NFIB: variants seen among roughly 807,000 people sequenced by gnomAD.
The protein encoded by NFIB is nuclear factor I B, also known as nuclear factor 1 B-type.
Under a neutral mutation model 61.5 loss-of-function variants are expected in NFIB, and 11 were observed. The ratio of observed to expected loss-of-function variants is 0.18; its 90% CI spans 0.11 to 0.30. The LOEUF (loss-of-function observed/expected upper bound fraction) is 0.30, where lower values mean the gene tolerates loss of function less well. NFIB is among the 10% of genes least tolerant of loss of function. NFIB has a pLI of 1.00. For missense variants in NFIB, 471 were observed against 608.9 expected (o/e 0.77, Z 2.38); for synonymous variants, 260 against 216.5 (o/e 1.20, Z -1.76).
At chr9:14,161,726 C>G (rs2044226968) in intron 3 of NFIB, among the ~76,000 whole-genome samples, 1 of 152,110 alleles carries the variant, frequency 6.6e-6, no homozygotes, top group African/African-American at 2.4e-5. Flanking sequence ...ACAAATAGCA[C>G]TGTAATTAAC....
intron 2 of NFIB, among the ~76,000 whole-genome samples, chr9:14,240,229 ATCTC>A (rs926773856): frequency 6.6e-6 from 1 of 151,960 alleles, no homozygotes; most frequent in African/African-American, 2.4e-5. Flanking sequence ...AGTGAAATTA[ATCTC>A]TCTGTCCCCA....
rs528079713 is a variant in NFIB at position 14,284,927 on chromosome 9, A to G, written c.562+22062T>C. On this transcript the variant is annotated intron_variant, in intron 2 of 10. Transcript: ENST00000380953. The stretch of plus-strand genomic sequence containing the variant: ...TAAGGACATTTTATTTGCCCTATGT[A>G]GCCTTTGTGGACTGCACAATAAACA... Among the ~76,000 whole-genome samples the G allele has an allele frequency of 1.1e-4, 17 of 152,258 alleles. No individual in the cohort carries two copies. In the East Asian group the frequency reaches 2.9e-3, roughly 26 times the overall value.
At chr9:14,427,491 T>C in the NFIB span, among the ~76,000 whole-genome samples, 2 of 152,148 alleles carry the variant, frequency 1.3e-5, no homozygotes, top group African/African-American at 2.4e-5. Context: ...GGAGCTTAAA[T>C]TTAAACACAG....
chr9:14,214,104 C>T (rs185838355), intron 2 of NFIB, among the ~76,000 whole-genome samples: 2 of 152,306 alleles, frequency 1.3e-5, no homozygotes, highest in East Asian at 3.9e-4. Flanking sequence ...AAATAGGCCA[C>T]ATCCTAGCCC....
the NFIB span, among the ~76,000 whole-genome samples, chr9:14,441,089 C>T: frequency 1.3e-4 from 19 of 149,672 alleles, no homozygotes; most frequent in Non-Finnish European, 2.1e-4. Context: ...AAACCTGGAC[C>T]CTTGACAGCT....
intron 2 of NFIB, among the ~76,000 whole-genome samples, chr9:14,191,159 C>G (rs1246167204): frequency 3.3e-5 from 5 of 152,096 alleles, no homozygotes; most frequent in African/African-American, 1.2e-4. Context: ...GAAACTCCAC[C>G]TCTACTAAAA....
Position 14,335,126 on chromosome 9 carries a change from G to A in NFIB, c.109-27606C>T, listed in dbSNP as rs140805632. ...CCAATTTTTGGCTATTACAAATAAAGCTGCTATGAACATTCATGTACAAGT... is the reference window on the plus strand; with the variant it reads ...CCAATTTTTGGCTATTACAAATAAAACTGCTATGAACATTCATGTACAAGT... On this transcript the variant is annotated intron_variant, in intron 1 of 8. Transcript: ENST00000380934. Among the ~76,000 whole-genome samples the A allele has an allele frequency of 2.2e-3, 333 of 152,262 alleles. 3 individuals carry two copies. The highest frequency in any genetic ancestry group is 3.4e-4 in the Non-Finnish European group (23 of 68,004).
chr9:14,230,070 G>A (rs940744935), intron 2 of NFIB, among the ~76,000 whole-genome samples: 7 of 152,198 alleles, frequency 4.6e-5, no homozygotes, highest in Non-Finnish European at 7.3e-5. Context: ...CTCCCAATGT[G>A]CTGAGATTAC....
chr9:14,330,431 A>C (rs2060807408), intron 1 of NFIB, among the ~76,000 whole-genome samples: 1 of 152,144 alleles, frequency 6.6e-6, no homozygotes. Context: ...TTTTTTTTTA[A>C]ATGATTTTAA....
At chr9:14,485,276 G>A in the NFIB span, among the ~76,000 whole-genome samples, 1 of 152,160 alleles carries the variant, frequency 6.6e-6, no homozygotes, top group African/African-American at 2.4e-5. Context: ...TTATTCCATA[G>A]GTAGTTCTTG....
At position 14,082,976 on chromosome 9, in the gene NFIB, G is replaced by A. The variant is rs1172754353; in HGVS notation, c.*5333C>T. ...CTGTATCATGCAATAAGTCATCAAG[G>A]GCTTAGTCTAGTGTACCGGTAAGCT... On this transcript the variant is annotated 3_prime_UTR_variant, in exon 11 of 11. Coordinates refer to ENST00000380953, the MANE Select transcript of NFIB (RefSeq NM_001190737.2). 2 of 205,860 alleles carry A rather than the reference G, an allele frequency of 9.7e-6. No individual in the cohort carries two copies. Among genetic ancestry groups the A allele is most frequent in the Non-Finnish European group, 2.0e-5 (2 of 100,878 alleles). The allele number at this position is 205,860 out of a possible 1,614,324, so 12.8% of individuals were successfully genotyped here. A position where few individuals can be genotyped will look rare whatever the true frequency, so the allele number is the denominator to read the frequency against.
At chr9:14,259,627 G>A (rs950860552) in intron 2 of NFIB, among the ~76,000 whole-genome samples, 3 of 152,144 alleles carry the variant, frequency 2.0e-5, no homozygotes, top group Non-Finnish European at 2.9e-5. Context: ...GTGGCCGGGC[G>A]CAGTGGCTCA....
the NFIB span, among the ~76,000 whole-genome samples, chr9:14,437,029 T>A: frequency 2.6e-4 from 40 of 152,244 alleles, no homozygotes; most frequent in African/African-American, 9.4e-4. Flanking sequence ...GAGAAGAAAG[T>A]GGCCTGCTTT....
chr9:14,202,763 A>T (rs1034417699), intron 2 of NFIB, among the ~76,000 whole-genome samples: 2 of 152,204 alleles, frequency 1.3e-5, no homozygotes, highest in Non-Finnish European at 2.9e-5. Context: ...GATATCATGG[A>T]TTGTGATGTC....
At chr9:14,440,498 T>C in the NFIB span, among the ~76,000 whole-genome samples, 1 of 152,204 alleles carries the variant, frequency 6.6e-6, no homozygotes, top group Non-Finnish European at 1.5e-5. Context: ...TATGTCCAAT[T>C]TCAACCTTCT....
chr9:14,329,958 C>A (rs1253930092), intron 1 of NFIB, among the ~76,000 whole-genome samples: 2 of 151,842 alleles, frequency 1.3e-5, no homozygotes, highest in African/African-American at 4.8e-5. Flanking sequence ...CCCGTCTCTA[C>A]TAAAAATACA....
At chr9:14,218,781 G>A (rs924902371) in intron 2 of NFIB, among the ~76,000 whole-genome samples, 1 of 152,170 alleles carries the variant, frequency 6.6e-6, no homozygotes, top group African/African-American at 2.4e-5. Flanking sequence ...CACAGTGGAT[G>A]CCTAGATTTC....
intron 2 of NFIB, among the ~76,000 whole-genome samples, chr9:14,304,864 T>C (rs1050997736): frequency 2.6e-5 from 4 of 152,136 alleles, no homozygotes; most frequent in Non-Finnish European, 5.9e-5. Context: ...CAAAGAAGAA[T>C]ATATAAATTT....
intron 2 of NFIB, among the ~76,000 whole-genome samples, chr9:14,238,955 T>G (rs2054078880): frequency 1.3e-5 from 2 of 152,334 alleles, no homozygotes; most frequent in South Asian, 4.1e-4. Context: ...TGGTGTCTCC[T>G]AAACAGCATA....
Sources: gnomAD v4.1 joint callset for allele counts (sites outside exome capture counted in the v4.1 genomes callset) on GRCh38, gnomAD v4.1.1 for gene constraint, MANE v1.5 for transcripts, NCBI Gene and HGNC (gene_info 2026-07-23, HGNC 2026-07-21) for gene names.